Variants in EYS observed in about 807,000 individuals in gnomAD.
EYS encodes protein eyes shut homolog.
EYS carries 250 observed loss-of-function variants against 282.1 expected under a neutral mutation model. That is an observed-to-expected ratio of 0.89 (90% CI 0.80 to 0.98). The LOEUF (loss-of-function observed/expected upper bound fraction) is 0.98. EYS is among the 50% of genes least tolerant of loss of function. The pLI, the probability that EYS is intolerant of heterozygous loss-of-function variation, is 0.00. For missense variants in EYS, 4,016 were observed against 3,709.0 expected, an observed-to-expected ratio of 1.08 and a Z score of -2.15; for synonymous variants, 1,355 against 1,282.9, an observed-to-expected ratio of 1.06 and a Z score of -1.20.
At chr6:63,781,756 G>A (rs969466121) in intron 39 of EYS, among the ~76,000 whole-genome samples, 1 of 152,130 alleles carries the variant, frequency 6.6e-6, no homozygotes, top group Non-Finnish European at 1.5e-5. Context: ...CCTCCTGCCT[G>A]ATTGCCCTAG....
At chr6:64,187,696 TAGAG>T (rs1764988285) in intron 31 of EYS, among the ~76,000 whole-genome samples, 1 of 152,074 alleles carries the variant, frequency 6.6e-6, no homozygotes, top group Non-Finnish European at 1.5e-5. Context: ...CTTTATCATT[TAGAG>T]AGGAGAAACC....
At chr6:63,934,874 A>G (rs1765010163) in intron 35 of EYS, among the ~76,000 whole-genome samples, 1 of 152,144 alleles carries the variant, frequency 6.6e-6, no homozygotes, top group Admixed American at 6.5e-5. Context: ...CGTTGTGCAC[A>G]TGTACCCTAA....
intron 35 of EYS, among the ~76,000 whole-genome samples, chr6:63,957,730 T>A (rs1412824265): frequency 7.1e-6 from 1 of 140,824 alleles, no homozygotes; most frequent in Non-Finnish European, 1.6e-5. Flanking sequence ...TCTTAAGTAC[T>A]TTCTCCACTC....
chr6:65,149,360 A>G (rs1581957192), intron 12 of EYS, among the ~76,000 whole-genome samples: 2 of 152,154 alleles, frequency 1.3e-5, no homozygotes, highest in Admixed American at 1.3e-4. Flanking sequence ...TTGCTAAGGC[A>G]TAGCAAGAGT....
At chr6:64,179,361 G>T (rs1562240644) in intron 31 of EYS, among the ~76,000 whole-genome samples, 1 of 151,944 alleles carries the variant, frequency 6.6e-6, no homozygotes, top group East Asian at 1.9e-4. Context: ...TTTTAAAAAA[G>T]ACCTAAAATG....
intron 21 of EYS, among the ~76,000 whole-genome samples, chr6:64,813,810 A>G (rs1393217188): frequency 3.9e-5 from 6 of 152,020 alleles, no homozygotes; most frequent in Non-Finnish European, 5.9e-5. Flanking sequence ...TAAAATCATT[A>G]TTAATCTTTA....
At chr6:65,451,878 T>A (rs1764412614) in intron 5 of EYS, among the ~76,000 whole-genome samples, 1 of 151,948 alleles carries the variant, frequency 6.6e-6, no homozygotes, top group Non-Finnish European at 1.5e-5. Context: ...ATGTATTCAA[T>A]GGTATGTTAT....
chr6:65,525,846 AT>A (rs1236769256), intron 2 of EYS, among the ~76,000 whole-genome samples: 2 of 152,226 alleles, frequency 1.3e-5, no homozygotes, highest in African/African-American at 2.4e-5. Flanking sequence ...ACTCTTGCCC[AT>A]TTATAAATTA....
chr6:65,694,925 T>C (rs1401985046), intron 1 of EYS, among the ~76,000 whole-genome samples: 1 of 151,946 alleles, frequency 6.6e-6, no homozygotes, highest in Non-Finnish European at 1.5e-5. Context: ...AAATTTGATA[T>C]AATGACTAAG....
intron 12 of EYS, among the ~76,000 whole-genome samples, chr6:65,166,187 GC>G (rs1484237950): frequency 6.6e-6 from 1 of 150,998 alleles, no homozygotes; most frequent in Non-Finnish European, 1.5e-5. Flanking sequence ...CTCAAAGTAA[GC>G]CCTACTGAAA....
At chr6:64,150,980 G>C (rs1006287360) in intron 31 of EYS, among the ~76,000 whole-genome samples, 2 of 151,864 alleles carry the variant, frequency 1.3e-5, no homozygotes, top group African/African-American at 4.8e-5. Context: ...AGTTTCTTTG[G>C]ATCTATGCAC....
At chr6:64,194,488 T>C (rs1021424956) in intron 31 of EYS, among the ~76,000 whole-genome samples, 5 of 152,196 alleles carry the variant, frequency 3.3e-5, no homozygotes, top group Admixed American at 6.5e-5. Flanking sequence ...TATTTTTTGT[T>C]GTAGTTTCTT....
At chr6:64,049,994 G>C (rs574967372) in intron 33 of EYS, among the ~76,000 whole-genome samples, 3 of 152,212 alleles carry the variant, frequency 2.0e-5, no homozygotes, top group South Asian at 2.1e-4. Context: ...TTGCAAGAAG[G>C]CTGCTCTCCT....
At chr6:64,025,714 C>G (rs1272643304) in intron 33 of EYS, among the ~76,000 whole-genome samples, 1 of 152,146 alleles carries the variant, frequency 6.6e-6, no homozygotes, top group African/African-American at 2.4e-5. Context: ...GTTCCCGAAG[C>G]TAGGATATGG....
chr6:64,200,763 G>A (rs539250430), intron 31 of EYS, among the ~76,000 whole-genome samples: 1 of 152,092 alleles, frequency 6.6e-6, no homozygotes, highest in African/African-American at 2.4e-5. Context: ...GCTTACATTA[G>A]TATTGATAAT....
chr6:64,163,074 T>A (rs959021740), intron 31 of EYS, among the ~76,000 whole-genome samples: 16 of 152,126 alleles, frequency 1.1e-4, no homozygotes, highest in African/African-American at 3.9e-4. Context: ...AATATTGTTT[T>A]GTGTCTCACA....
At position 64,703,864 on chromosome 6, in the gene EYS, T is replaced by A. The variant is rs556834602; in HGVS notation, c.3444-77619A>T. On this transcript the variant is annotated intron_variant, in intron 22 of 42. Transcript: ENST00000503581. Reference sequence around the variant, plus strand: ...AAAATTCAAAACAAAATCAATTAGTTGGCAGTTAGAAGGGAGAGGTGAAAA... The same window carrying A: ...AAAATTCAAAACAAAATCAATTAGTAGGCAGTTAGAAGGGAGAGGTGAAAA... Among the ~76,000 whole-genome samples the A allele has an allele frequency of 3.3e-5, 5 of 152,278 alleles. No homozygotes were observed. The East Asian group carries it at 9.6e-4, about 29-fold the overall frequency.
chr6:64,462,298 G>C (rs918296839), intron 26 of EYS, among the ~76,000 whole-genome samples: 4 of 152,088 alleles, frequency 2.6e-5, no homozygotes, highest in Non-Finnish European at 5.9e-5. Context: ...ATCAAAACGA[G>C]AGATATAAAA....
intron 40 of EYS, chr6:63,777,704 G>A (rs1248587598): frequency 4.0e-6 from 1 of 248,294 alleles, no homozygotes; most frequent in Non-Finnish European, 7.9e-6. Flanking sequence ...CCTTTGTGTG[G>A]TTAACATTTC....
Sources: gnomAD v4.1 joint callset for allele counts (sites outside exome capture counted in the v4.1 genomes callset) on GRCh38, gnomAD v4.1.1 for gene constraint, MANE v1.5 for transcripts, NCBI Gene and HGNC (gene_info 2026-07-23, HGNC 2026-07-21) for gene names.